The following LCT variants were observed in gnomAD, a reference collection of about 807,000 sequenced individuals.
LCT encodes the protein lactase.
LCT carries 90 observed loss-of-function variants against 173.0 expected under a neutral mutation model. That is an observed-to-expected ratio of 0.52 (90% CI 0.44 to 0.62). The LOEUF is 0.62. LCT is among the 20% of genes least tolerant of loss of function. The pLI is 0.00. For missense variants in LCT, 1,864 were observed against 2,431.4 expected (o/e 0.77, Z 4.91); for synonymous variants, 853 against 957.6 (o/e 0.89, Z 2.02).
Position 135,809,604 on chromosome 2 carries a change from C to T in LCT, c.2743G>A (p.Ala915Thr), listed in dbSNP as rs2077715373. 1.9e-6 allele frequency: 3 copies of T among 1,614,066 alleles called. No homozygotes were observed. Among genetic ancestry groups the T allele is most frequent in the Admixed American group, 1.7e-5 (1 of 60,006 alleles). The change falls in exon 8 of 17, where the codon GCT becomes ACT. Residue 915 changes from alanine to threonine, a missense_variant. Physicochemically the swap from Ala to Thr is moderately conservative, Grantham distance 58. Around this residue, in one of 4 missense-constraint regions of LCT, gnomAD observed 755 missense variants for 926.3 expected, o/e 0.82. Coordinates refer to ENST00000264162, the MANE Select transcript of LCT (RefSeq NM_002299.4). The surrounding 1 kb of genome is among the most constrained non-coding windows in gnomAD (Gnocchi z 5.5). ...TCCCACGCGCCTTCAATCTGATAAG[C>T]GGAAGAGGACACGCCCCACAGAAAG... is the stretch of plus-strand genomic sequence containing the variant. ...DDFLWGVSSS[A>T]YQIEGAWDAD... is the part of the protein sequence containing the mutation.
At chr2:135,804,702 G>A in intron 10 of LCT, 65 bp downstream of exon 10, 2 of 1,411,378 alleles carry the variant, frequency 1.4e-6, no homozygotes, top group Non-Finnish European at 2.0e-6. Context: ...TGATAAATGT[G>A]CTCCCCCAGC....
At chr2:135,800,484 C>T in intron 12 of LCT, 123 bp downstream of exon 12, 2 of 854,668 alleles carry the variant, frequency 2.3e-6, no homozygotes, top group South Asian at 1.4e-5. Context: ...CTCAGACTTC[C>T]AAAGTGCTGG....
chr2:135,827,918 T>C (rs555141408), intron 3 of LCT, among the ~76,000 whole-genome samples: 10 of 152,198 alleles, frequency 6.6e-5, no homozygotes, highest in African/African-American at 2.2e-4. Context: ...CACACAGACA[T>C]TGGGATAGGA....
At chr2:135,800,039 T>G (rs1323349706) in intron 12 of LCT, among the ~76,000 whole-genome samples, 5 of 152,136 alleles carry the variant, frequency 3.3e-5, no homozygotes, top group Non-Finnish European at 5.9e-5. Context: ...ACAGAAAGAA[T>G]TACCTGTACA....
chr2:135,832,008 G>A (rs2077945000), intron 2 of LCT, among the ~76,000 whole-genome samples: 2 of 152,160 alleles, frequency 1.3e-5, no homozygotes, highest in Admixed American at 6.5e-5. Context: ...CCTGAGGTCA[G>A]GAGTTTGAGA....
In LCT at chr2:135,812,547, A is replaced by G; in HGVS notation, c.2117T>C (p.Ile706Thr). 2 of 1,614,136 alleles carry G rather than the reference A, an allele frequency of 1.2e-6. No homozygotes were observed. The highest frequency in any genetic ancestry group is 1.7e-6 in the Non-Finnish European group (2 of 1,179,990). Reference protein sequence around the residue: ...QNTCIPSYDTIGGFSQHVNHV... With the variant: ...QNTCIPSYDTTGGFSQHVNHV... The stretch of plus-strand genomic sequence containing the variant: ...GTTCACGTGTTGGGAGAAGCCTCCA[A>G]TGGTATCATAGCTAGGGATGCAGGT... The change falls in exon 7 of 17, where the codon ATT becomes ACT. Residue 706 changes from isoleucine (I) to threonine (T), a missense_variant. By Grantham distance (89) the Ile-to-Thr change is moderately conservative. Coordinates refer to ENST00000264162, the MANE Select transcript of LCT (RefSeq NM_002299.4).
chr2:135,837,061 T>C lies in LCT; in HGVS notation c.109A>G (p.Asn37Asp), dbSNP rs754671276. 3 of 1,614,000 alleles carry C rather than the reference T, an allele frequency of 1.9e-6. No individual in the cohort carries two copies. In the African/African-American group the frequency reaches 4.0e-5, roughly 22 times the overall value. Residue 37 changes from asparagine to aspartate, a missense_variant, in exon 1 of 17, where the codon AAT (asparagine) becomes GAT (aspartate). Asn to Asp is a conservative substitution (Grantham distance 23). Coordinates refer to ENST00000264162, the MANE Select transcript of LCT (RefSeq NM_002299.4). ...NFISTAGPLT[N>D]DLLHNLSGLL... Reference sequence around the variant, plus strand: ...CCACTCAGGTTGTGCAGCAAGTCATTGGTTAGAGGACCAGCGGTGGAAATG... The same window carrying C: ...CCACTCAGGTTGTGCAGCAAGTCATCGGTTAGAGGACCAGCGGTGGAAATG...
chr2:135,798,071 C>T lies in LCT; in HGVS notation c.4934G>A (p.Arg1645Gln), dbSNP rs139606379. 2.2e-5 allele frequency: 35 copies of T among 1,613,200 alleles called. No individual in the cohort carries two copies. The African/African-American group carries it at 4.1e-4, about 19-fold the overall frequency. Reference protein sequence around the residue: ...NGDYNEVMKTRIRDRSLAAGL... With the variant: ...NGDYNEVMKTQIRDRSLAAGL... ...TGCAGCCAAGCTCCTGTCACGGATC[C>T]GCGTCTTCATCACCTCATTGTAATC... The change falls in exon 13 of 17, where the codon CGG (arginine) becomes CAG (glutamine). Residue 1645 changes from arginine (R) to glutamine (Q), a missense_variant. Physicochemically the swap from Arg to Gln is conservative, Grantham distance 43. This residue lies in a region of LCT where 514 missense variants were observed against 750.1 expected (regional missense o/e 0.69). Transcript: ENST00000264162.
intron 11 of LCT, among the ~76,000 whole-genome samples, chr2:135,802,466 G>T (rs1274752480): frequency 6.6e-6 from 1 of 152,194 alleles, no homozygotes; most frequent in African/African-American, 2.4e-5. Context: ...CAACCTAAGT[G>T]TCCATCAACA....
At chr2:135,800,055 T>C (rs1016739659) in intron 12 of LCT, among the ~76,000 whole-genome samples, 3 of 152,214 alleles carry the variant, frequency 2.0e-5, no homozygotes, top group Admixed American at 2.0e-4. Flanking sequence ...GTACAAATGA[T>C]TTTTAAAAAC....
rs114828879 is a variant in LCT at position 135,788,340 on chromosome 2, G to T, written c.5768C>A (p.Pro1923Gln). ...KTQRSQQELS[P>Q]VSSF Reference sequence around the variant, plus strand: ...GGTAACTCATCAGAATGAAGACACCGGGCTCAATTCCTGTTGGCTTCGTTG... The same window carrying T: ...GGTAACTCATCAGAATGAAGACACCTGGCTCAATTCCTGTTGGCTTCGTTG... The change falls in exon 17 of 17, where the codon CCG becomes CAG. Residue 1923 changes from proline (P) to glutamine (Q), a missense_variant. Physicochemically the swap from Pro to Gln is moderately conservative, Grantham distance 76. Transcript: ENST00000264162. 4,584 of 1,612,928 alleles carry T rather than the reference G, an allele frequency of 2.8e-3. 105 individuals carry two copies. In the African/African-American group the frequency reaches 0.054, roughly 19 times the overall value.
Position 135,808,945 on chromosome 2 carries a change from T to A in LCT, c.3402A>T (p.Pro1134=). The change falls in exon 8 of 17, where the codon CCA becomes CCT. Residue 1134 remains proline, a synonymous_variant. Transcript: ENST00000264162. The part of the protein sequence containing the change: ...LSTHWAEPKS[P]GVPRDVEAAD... Reference sequence around the variant, plus strand: ...CGGCTTCCACATCTCTGGGGACCCCTGGTGACTTGGGCTCTGCCCAGTGTG... The same window carrying A: ...CGGCTTCCACATCTCTGGGGACCCCAGGTGACTTGGGCTCTGCCCAGTGTG... 1 of 1,614,098 alleles carries A rather than the reference T, an allele frequency of 6.2e-7. No homozygotes were observed. Among genetic ancestry groups the A allele is most frequent in the Non-Finnish European group, 8.5e-7 (1 of 1,179,954 alleles).
chr2:135,836,800 G>A lies in LCT; in HGVS notation c.370C>T (p.Arg124Trp), dbSNP rs139312810. 5.0e-6 allele frequency: 8 copies of A among 1,614,194 alleles called. No individual in the cohort carries two copies. Among genetic ancestry groups the A allele is most frequent in the Non-Finnish European group, 5.9e-6 (7 of 1,180,026 alleles). ...RRLLKALKTA[R>W]LQPMVILHHQ... is the part of the protein sequence containing the mutation. Reference sequence around the variant, plus strand: ...TGCAGGATGACCATGGGCTGAAGCCGTGCAGTCTTGAGGGCCTTGAGGAGT... The same window carrying A: ...TGCAGGATGACCATGGGCTGAAGCCATGCAGTCTTGAGGGCCTTGAGGAGT... Residue 124 changes from arginine (R) to tryptophan (W), a missense_variant, in exon 1 of 17, where the codon CGG (arginine) becomes TGG (tryptophan). Physicochemically the swap from Arg to Trp is moderately radical, Grantham distance 101 (BLOSUM62 -3). This residue lies in a region of LCT where 412 missense variants were observed against 462.0 expected (regional missense o/e 0.89). Coordinates refer to ENST00000264162, the MANE Select transcript of LCT (RefSeq NM_002299.4).
intron 14 of LCT, among the ~76,000 whole-genome samples, chr2:135,791,452 G>A (rs569834412): frequency 2.9e-4 from 44 of 152,332 alleles, no homozygotes; most frequent in African/African-American, 1.1e-3. Context: ...GACAGCTCCT[G>A]CCACAGGGGT....
intron 6 of LCT, among the ~76,000 whole-genome samples, chr2:135,816,590 G>A (rs2077782895): frequency 6.6e-6 from 1 of 152,190 alleles, no homozygotes; most frequent in Non-Finnish European, 1.5e-5. Context: ...GCTAAATGAA[G>A]AATTTTCAAC....
chr2:135,805,516 T>C (rs1210345274), intron 9 of LCT, among the ~76,000 whole-genome samples: 1 of 152,124 alleles, frequency 6.6e-6, no homozygotes, highest in African/African-American at 2.4e-5. Flanking sequence ...AATAAAACCA[T>C]CCTATTTTCT....
At chr2:135,812,992 T>G (rs181306592) in intron 6 of LCT, 36 bp from the exon 7 acceptor site, 3 of 1,587,890 alleles carry the variant, frequency 1.9e-6, no homozygotes, top group Non-Finnish European at 2.6e-6. Flanking sequence ...CAGTGATTAG[T>G]AATAATAACA....
chr2:135,835,528 A>G (rs1420807968), intron 1 of LCT, among the ~76,000 whole-genome samples: 2 of 131,340 alleles, frequency 1.5e-5, no homozygotes, highest in African/African-American at 5.7e-5. Flanking sequence ...ATATATATAT[A>G]TATCAGGTAC....
At chr2:135,826,921 T>C (rs923799445) in intron 3 of LCT, among the ~76,000 whole-genome samples, 8 of 152,186 alleles carry the variant, frequency 5.3e-5, no homozygotes, top group African/African-American at 1.7e-4. Flanking sequence ...ACTGATCATA[T>C]GTGATTTAAA....
Sources: allele counts gnomAD v4.1 joint callset (sites outside exome capture counted in the v4.1 genomes callset), GRCh38; gene constraint gnomAD v4.1.1; regional missense constraint gnomAD v4.1.1; non-coding constraint Gnocchi (gnomAD v3.1); transcripts MANE v1.5; gene names NCBI Gene and HGNC (gene_info 2026-07-23, HGNC 2026-07-21).